CDK14: variants seen among roughly 807,000 people sequenced by gnomAD.
CDK14 encodes cyclin dependent kinase 14.
In CDK14, 34 loss-of-function variants were observed where a neutral mutation model predicts 60.7. The observed-to-expected ratio is 0.56, with a 90% CI of 0.43 to 0.75. The LOEUF is 0.75. Ranked by LOEUF, CDK14 falls within the 30% of genes least tolerant of loss-of-function variation. CDK14 has a pLI of 0.00. For missense variants in CDK14, 482 were observed against 564.1 expected (o/e 0.85, Z 1.47); for synonymous variants, 197 against 203.7 (o/e 0.97, Z 0.28).
chr7:90,729,891 A>G (rs1014476788), intron 3 of CDK14, among the ~76,000 whole-genome samples: 1 of 152,040 alleles, frequency 6.6e-6, no homozygotes, highest in African/African-American at 2.4e-5. Flanking sequence ...TTTTAAAATT[A>G]TACTTTAAGT....
chr7:91,041,460 A>C (rs1214787792), intron 10 of CDK14, among the ~76,000 whole-genome samples: 1 of 152,028 alleles, frequency 6.6e-6, no homozygotes, highest in Non-Finnish European at 1.5e-5. Context: ...TCAGCCCCCA[A>C]ACTTGCTTTA....
At chr7:90,770,370 G>A (rs1183403708) in intron 4 of CDK14, among the ~76,000 whole-genome samples, 1 of 152,132 alleles carries the variant, frequency 6.6e-6, no homozygotes, top group Non-Finnish European at 1.5e-5. Flanking sequence ...GTTATAGTCT[G>A]TTCTGAGGTT....
rs551312314 is a variant in CDK14, at chr7:90,650,869, A to G, written c.123+46620A>G. Among the ~76,000 whole-genome samples, 15 of 152,298 alleles carry G rather than the reference A, an allele frequency of 9.8e-5. No individual in the cohort carries two copies. In the South Asian group the frequency reaches 2.7e-3, roughly 27 times the overall value. On this transcript the variant is annotated intron_variant, in intron 2 of 14. Transcript: ENST00000380050. ...TGTTTTGTTACTGTAGCCTTGTAGT[A>G]TAGTTTGAAGTCAGGTATTGTGATG...
chr7:90,816,724 G>C (rs1261281707), intron 5 of CDK14, among the ~76,000 whole-genome samples: 1 of 152,194 alleles, frequency 6.6e-6, no homozygotes, highest in Non-Finnish European at 1.5e-5. Flanking sequence ...AAACAGGGAA[G>C]TCAGACGTGG....
At chr7:90,869,613 G>A (rs973724881) in intron 6 of CDK14, among the ~76,000 whole-genome samples, 2 of 152,176 alleles carry the variant, frequency 1.3e-5, no homozygotes, top group Non-Finnish European at 2.9e-5. Context: ...CAAGGGTGGG[G>A]AAGTTAAGAA....
chr7:90,943,631 C>T lies in CDK14; in HGVS notation c.827-12066C>T, dbSNP rs139980521. Among the ~76,000 whole-genome samples the T allele has an allele frequency of 5.2e-3, 796 of 152,212 alleles. 3 individuals are homozygous for T. The highest frequency in any genetic ancestry group is 6.8e-3 in the Non-Finnish European group (464 of 68,004). ...ATTAATAGACTTGTATTTTTATTTA[C>T]AATATTCGTGTGCATCATAAACATA... On this transcript the variant is annotated intron_variant, in intron 8 of 14. Coordinates refer to ENST00000380050, the MANE Select transcript of CDK14 (RefSeq NM_001287135.2).
intron 13 of CDK14, among the ~76,000 whole-genome samples, chr7:91,117,692 G>A (rs1260767034): frequency 6.6e-6 from 1 of 152,072 alleles, no homozygotes; most frequent in Non-Finnish European, 1.5e-5. Flanking sequence ...CTTTCATTCT[G>A]ATTTATTTAG....
intron 5 of CDK14, among the ~76,000 whole-genome samples, chr7:90,805,250 G>A (rs1788777913): frequency 6.6e-6 from 1 of 152,068 alleles, no homozygotes; most frequent in South Asian, 2.1e-4. Context: ...TGTAACCCAT[G>A]AGCAAGGGGG....
intron 2 of CDK14, among the ~76,000 whole-genome samples, chr7:90,691,326 G>C (rs746576244): frequency 2.6e-5 from 4 of 152,016 alleles, no homozygotes; most frequent in Non-Finnish European, 5.9e-5. Flanking sequence ...AAAGAGAAGG[G>C]GGGTATAGGA....
chr7:90,708,664 A>T lies in CDK14; in HGVS notation c.124-17903A>T, dbSNP rs111730243. Among the ~76,000 whole-genome samples, 575 of 152,268 alleles carry T rather than the reference A, an allele frequency of 3.8e-3. 9 individuals carry two copies. Among genetic ancestry groups the T allele is most frequent in the African/African-American group, 0.013 (551 of 41,572 alleles). On this transcript the variant is annotated intron_variant, in intron 2 of 14. Transcript: ENST00000380050. ...ACCAATTAGGATGTGAAGGGAAAAC[A>T]CTTTGCCTGAGGTTTCTCATCATCA...
At chr7:90,908,243 T>G (rs1792776051) in intron 7 of CDK14, among the ~76,000 whole-genome samples, 2 of 152,080 alleles carry the variant, frequency 1.3e-5, no homozygotes, top group Non-Finnish European at 2.9e-5. Context: ...TCAGAGGGGA[T>G]CTGAGTAGTG....
intron 2 of CDK14, among the ~76,000 whole-genome samples, chr7:90,654,147 C>T (rs991140142): frequency 3.3e-5 from 5 of 152,144 alleles, no homozygotes; most frequent in African/African-American, 1.2e-4. Flanking sequence ...GCATGCCTTC[C>T]TTTCTTCTTC....
chr7:91,140,415 G>T (rs1467814454), intron 14 of CDK14, among the ~76,000 whole-genome samples: 2 of 152,176 alleles, frequency 1.3e-5, no homozygotes, highest in African/African-American at 2.4e-5. Flanking sequence ...GAGTTCTGTT[G>T]TGTCTGTTTG....
intron 2 of CDK14, among the ~76,000 whole-genome samples, chr7:90,687,386 G>A (rs1353387667): frequency 2.6e-5 from 4 of 152,086 alleles, no homozygotes; most frequent in Admixed American, 1.3e-4. Flanking sequence ...GGACTTTTGG[G>A]TTGAGGAAGG....
chr7:90,987,731 T>G (rs1795411986), intron 10 of CDK14, among the ~76,000 whole-genome samples: 2 of 151,792 alleles, frequency 1.3e-5, no homozygotes, highest in Non-Finnish European at 2.9e-5. Context: ...AAAAAAAAAA[T>G]GCTTTTCCTC....
chr7:91,019,735 A>G (rs905232511), intron 10 of CDK14, among the ~76,000 whole-genome samples: 5 of 152,204 alleles, frequency 3.3e-5, no homozygotes, highest in Non-Finnish European at 7.3e-5. Context: ...AAAGCATCCT[A>G]TGACCAACAA....
At chr7:90,824,236 C>T (rs982793055) in intron 5 of CDK14, among the ~76,000 whole-genome samples, 2 of 121,444 alleles carry the variant, frequency 1.6e-5, no homozygotes, top group Admixed American at 1.8e-4. Flanking sequence ...ATCCTCTAAT[C>T]CACACAACTA....
intron 9 of CDK14, among the ~76,000 whole-genome samples, chr7:90,983,292 A>G (rs1273495423): frequency 6.6e-6 from 1 of 152,210 alleles, no homozygotes; most frequent in Non-Finnish European, 1.5e-5. Flanking sequence ...TAACAATGAG[A>G]TGGACTCAAC....
intron 10 of CDK14, among the ~76,000 whole-genome samples, chr7:91,034,945 T>TACACACACACACACATACACATAC (rs1796875737): frequency 3.4e-5 from 5 of 145,982 alleles, no homozygotes; most frequent in Non-Finnish European, 7.6e-5. Context: ...CACATACACA[T>TACACACACACACACATACACATAC]ACACACACAC....
Sources: allele counts gnomAD v4.1 joint callset (sites outside exome capture counted in the v4.1 genomes callset), GRCh38; gene constraint gnomAD v4.1.1; transcripts MANE v1.5; gene names NCBI Gene and HGNC (gene_info 2026-07-23, HGNC 2026-07-21).